Variants in ASTN2 observed in about 807,000 individuals in gnomAD.
The protein encoded by ASTN2 is astrotactin-2.
A neutral mutation model predicts 139.8 loss-of-function variants in ASTN2; 54 were observed. The observed-to-expected ratio is 0.39, with a 90% CI of 0.31 to 0.48. The LOEUF is 0.48. Ranked by LOEUF, ASTN2 falls within the 20% of genes least tolerant of loss-of-function variation. ASTN2 has a pLI of 0.95. For missense variants in ASTN2, 1,565 were observed against 1,725.1 expected, an observed-to-expected ratio of 0.91 and a Z score of 1.64; for synonymous variants, 756 against 719.5, an observed-to-expected ratio of 1.05 and a Z score of -0.81.
At chr9:116,712,777 G>A (rs1828201348) in intron 16 of ASTN2, among the ~76,000 whole-genome samples, 1 of 152,200 alleles carries the variant, frequency 6.6e-6, no homozygotes, top group South Asian at 2.1e-4. Flanking sequence ...ACCATTGGAA[G>A]AGAAGGCTCA....
intron 19 of ASTN2, chr9:116,546,560 T>C (rs1291602237): frequency 6.6e-6 from 1 of 152,192 alleles, no homozygotes. Context: ...AGTGTGAAGA[T>C]GGAGTGACAT....
chr9:116,839,881 A>ATTTT (rs71502081), intron 11 of ASTN2, among the ~76,000 whole-genome samples: 3 of 127,982 alleles, frequency 2.3e-5, no homozygotes, highest in Non-Finnish European at 4.8e-5. Context: ...TATTATTATT[A>ATTTT]TTTTTTTTTT....
chr9:116,506,715 C>T (rs1348713763), intron 19 of ASTN2, among the ~76,000 whole-genome samples: 6 of 152,188 alleles, frequency 3.9e-5, no homozygotes, highest in Non-Finnish European at 8.8e-5. Context: ...AGTCCAATTA[C>T]CCTTTCAGAG....
chr9:116,437,367 T>A (rs760122546), intron 22 of ASTN2: 1 of 471,246 alleles, frequency 2.1e-6, no homozygotes, highest in Non-Finnish European at 4.4e-6. Context: ...CAGTGTGGGA[T>A]GTTGGAGCAA....
chr9:117,059,736 T>A (rs1839182844), intron 5 of ASTN2, among the ~76,000 whole-genome samples: 1 of 152,202 alleles, frequency 6.6e-6, no homozygotes, highest in South Asian at 2.1e-4. Context: ...AGACAGTATT[T>A]CCCATTCTTC....
chr9:117,037,433 C>T (rs1838417375), intron 6 of ASTN2, among the ~76,000 whole-genome samples: 1 of 152,138 alleles, frequency 6.6e-6, no homozygotes, highest in African/African-American at 2.4e-5. Context: ...CTTCAGAATA[C>T]TCCTATGAGG....
chr9:116,487,564 G>T, intron 19 of ASTN2, 64 bp from the exon 20 acceptor site: 1 of 1,516,754 alleles, frequency 6.6e-7, no homozygotes, highest in South Asian at 1.2e-5. Flanking sequence ...CGTTTTTGCT[G>T]TCATCCAAAC....
At chr9:117,273,725 G>A (rs565910946) in intron 2 of ASTN2, among the ~76,000 whole-genome samples, 6 of 152,166 alleles carry the variant, frequency 3.9e-5, no homozygotes, top group South Asian at 4.1e-4. Context: ...GATGAAAAAC[G>A]CATTTGCTTA....
intron 17 of ASTN2, among the ~76,000 whole-genome samples, chr9:116,638,929 G>A (rs1339654615): frequency 6.6e-6 from 1 of 152,190 alleles, no homozygotes; most frequent in Non-Finnish European, 1.5e-5. Context: ...GAGTGTTTAT[G>A]TTTAAGAGAT....
chr9:116,662,290 G>A (rs528041560), intron 16 of ASTN2, among the ~76,000 whole-genome samples: 9 of 152,118 alleles, frequency 5.9e-5, no homozygotes, highest in East Asian at 5.8e-4. Context: ...TTAAGATAAC[G>A]GGCTGGGTGC....
In ASTN2 at chr9:117,380,978, G is replaced by A. The variant is rs111708648; in HGVS notation, c.442+33519C>T. Among the ~76,000 whole-genome samples the A allele has an allele frequency of 7.9e-3, 1,198 of 152,212 alleles. 21 individuals are homozygous for A. The highest frequency in any genetic ancestry group is 0.027 in the African/African-American group (1,134 of 41,518). On this transcript the variant is annotated intron_variant, in intron 1 of 22. Coordinates refer to ENST00000313400, the MANE Select transcript of ASTN2 (RefSeq NM_001365068.1). ...AAATGTTTATAGAGGCATTATTCAC[G>A]ATAACCAAAAAGTGGAAGCAATCCA... is the stretch of plus-strand genomic sequence containing the variant.
chr9:117,259,053 T>C (rs1450003037), intron 2 of ASTN2, among the ~76,000 whole-genome samples: 1 of 152,306 alleles, frequency 6.6e-6, no homozygotes, highest in Non-Finnish European at 1.5e-5. Flanking sequence ...ACAGATATTA[T>C]TGTGGCCAGT....
intron 19 of ASTN2, among the ~76,000 whole-genome samples, chr9:116,514,486 C>G (rs1850550314): frequency 6.6e-6 from 1 of 152,196 alleles, no homozygotes; most frequent in Non-Finnish European, 1.5e-5. Flanking sequence ...TCAACTTTCT[C>G]AGATCTCAAA....
At chr9:116,540,211 T>G (rs1851820693) in intron 19 of ASTN2, among the ~76,000 whole-genome samples, 1 of 152,228 alleles carries the variant, frequency 6.6e-6, no homozygotes, top group East Asian at 1.9e-4. Flanking sequence ...GATATTCTAG[T>G]TCTAATTCAA....
At chr9:116,727,107 C>T (rs1232149450) in intron 15 of ASTN2, among the ~76,000 whole-genome samples, 3 of 151,856 alleles carry the variant, frequency 2.0e-5, no homozygotes, top group Non-Finnish European at 4.4e-5. Flanking sequence ...CTTCAAGGCC[C>T]CTGGAAGTCA....
At chr9:117,374,390 A>AAAAG (rs1830067263) in intron 1 of ASTN2, among the ~76,000 whole-genome samples, 3 of 149,888 alleles carry the variant, frequency 2.0e-5, no homozygotes, top group African/African-American at 7.3e-5. Context: ...AAAAAAAAAA[A>AAAAG]AAAGCACAGA....
At chr9:117,248,690 G>A (rs1459445750) in intron 2 of ASTN2, among the ~76,000 whole-genome samples, 1 of 152,204 alleles carries the variant, frequency 6.6e-6, no homozygotes, top group East Asian at 1.9e-4. Context: ...TGTAGTTTCT[G>A]CACAGTTTGT....
At chr9:116,439,370 T>G (rs975343680) in intron 22 of ASTN2, among the ~76,000 whole-genome samples, 4 of 144,624 alleles carry the variant, frequency 2.8e-5, no homozygotes, top group Admixed American at 6.8e-5. Flanking sequence ...CCGGCTAATT[T>G]TTTGTATTTT....
At chr9:116,973,159 T>G (rs1836256188) in intron 10 of ASTN2, among the ~76,000 whole-genome samples, 1 of 152,210 alleles carries the variant, frequency 6.6e-6, no homozygotes, top group Non-Finnish European at 1.5e-5. Flanking sequence ...CATCTCTTAC[T>G]AGTGAAGGCA....
Sources: gnomAD v4.1 joint callset for allele counts (sites outside exome capture counted in the v4.1 genomes callset) on GRCh38, gnomAD v4.1.1 for gene constraint, MANE v1.5 for transcripts, NCBI Gene and HGNC (gene_info 2026-07-23, HGNC 2026-07-21) for gene names.